Variants in MERTK observed in about 807,000 individuals in gnomAD.
MERTK encodes MER proto-oncogene, tyrosine kinase, also known as tyrosine-protein kinase Mer.
MERTK carries 69 observed loss-of-function variants against 99.3 expected under a neutral mutation model. That is an observed-to-expected ratio of 0.70 (90% confidence interval 0.57 to 0.85). The LOEUF is 0.85. Ranked by LOEUF, MERTK falls within the 40% of genes least tolerant of loss-of-function variation. The pLI, the probability that MERTK is intolerant of heterozygous loss-of-function variation, is 0.00. For synonymous variants in MERTK, 426 were observed against 467.6 expected (o/e 0.91, Z 1.15); for missense variants, 1,125 against 1,249.4 (o/e 0.90, Z 1.50).
chr2:111,930,937 TGTGGTTGTTAAAAGCACAAAATGAG>T (rs1684658949), intron 2 of MERTK, among the ~76,000 whole-genome samples: 1 of 152,212 alleles, frequency 6.6e-6, no homozygotes, highest in African/African-American at 2.4e-5. Context: ...TGGGTTGGCC[TGTGGTTGTTAAAAGCACAAAATGAG>T]GTCAGAGCCA....
chr2:112,022,328 A>G lies in MERTK; in HGVS notation c.2420A>G (p.His807Arg), dbSNP rs779607936. 4.3e-6 allele frequency: 7 copies of G among 1,614,226 alleles called. No individual in the cohort carries two copies. The highest frequency in any genetic ancestry group is 2.2e-5 in the South Asian group (2 of 91,078). Residue 807 changes from histidine (H) to arginine (R), a missense_variant, in exon 18 of 19, where the codon CAT becomes CGT. His to Arg is a conservative substitution (Grantham distance 29). Coordinates refer to ENST00000295408, the MANE Select transcript of MERTK (RefSeq NM_006343.3). ...ACTCCCTATCCTGGGGTCCAGAACC[A>G]TGAGATGTATGACTATCTTCTCCAT... ...GMTPYPGVQNHEMYDYLLHGH... is the reference protein window; with the variant it reads ...GMTPYPGVQNREMYDYLLHGH...
intron 9 of MERTK, among the ~76,000 whole-genome samples, chr2:111,994,916 A>G (rs1326202724): frequency 6.6e-6 from 1 of 152,206 alleles, no homozygotes; most frequent in African/African-American, 2.4e-5. Flanking sequence ...ATTAATGGTA[A>G]TAACTTACTT....
chr2:111,998,666 C>T (rs969504238), intron 10 of MERTK, among the ~76,000 whole-genome samples: 1 of 152,142 alleles, frequency 6.6e-6, no homozygotes, highest in Non-Finnish European at 1.5e-5. Context: ...GAAGAAAGAG[C>T]AGGTATTCAT....
chr2:112,024,221 A>G (rs1200059758), intron 18 of MERTK, among the ~76,000 whole-genome samples: 1 of 152,238 alleles, frequency 6.6e-6, no homozygotes, highest in East Asian at 1.9e-4. Flanking sequence ...AATGTTGACT[A>G]TGGAAAGAGT....
intron 1 of MERTK, among the ~76,000 whole-genome samples, chr2:111,915,720 A>C (rs760357595): frequency 1.2e-4 from 19 of 152,050 alleles, no homozygotes; most frequent in Non-Finnish European, 2.6e-4. Context: ...ACATGGTGAA[A>C]CCTCATCTCT....
intron 15 of MERTK, 71 bp from the exon 16 acceptor site, chr2:112,019,342 C>CT (rs752488760): frequency 3.5e-5 from 39 of 1,107,774 alleles, no homozygotes; most frequent in African/African-American, 6.2e-5. Flanking sequence ...CCTTTCCCCC[C>CT]CCGGCAGAAA....
At chr2:111,905,298 A>G (rs1032267981) in intron 1 of MERTK, among the ~76,000 whole-genome samples, 1 of 152,012 alleles carries the variant, frequency 6.6e-6, no homozygotes, top group Non-Finnish European at 1.5e-5. Context: ...AGGCACTAGG[A>G]TCTAGGGACA....
chr2:112,009,004 C>CA (rs1677042048), intron 14 of MERTK, among the ~76,000 whole-genome samples: 1 of 152,060 alleles, frequency 6.6e-6, no homozygotes. Flanking sequence ...CTCCATTAGC[C>CA]AAAAATTACA....
At chr2:111,929,983 G>C (rs1457934517) in intron 2 of MERTK, among the ~76,000 whole-genome samples, 1 of 152,114 alleles carries the variant, frequency 6.6e-6, no homozygotes, top group African/African-American at 2.4e-5. Context: ...CAAACCACTG[G>C]TCCCTTTAGA....
At chr2:111,923,811 A>G (rs1684507835) in intron 1 of MERTK, among the ~76,000 whole-genome samples, 1 of 152,154 alleles carries the variant, frequency 6.6e-6, no homozygotes, top group African/African-American at 2.4e-5. Flanking sequence ...TCTGTGGGGG[A>G]AAAACAGGGG....
At chr2:111,898,878 C>T (rs1683981562) in intron 1 of MERTK, 82 bp downstream of exon 1, 2 of 1,395,020 alleles carry the variant, frequency 1.4e-6, no homozygotes, top group African/African-American at 1.5e-5. Flanking sequence ...GGAGCGCGTC[C>T]ACAGGGGCGC....
At chr2:111,984,636 AG>A (rs1676436219) in intron 8 of MERTK, among the ~76,000 whole-genome samples, 1 of 152,156 alleles carries the variant, frequency 6.6e-6, no homozygotes, top group African/African-American at 2.4e-5. Flanking sequence ...TGTTGATAGC[AG>A]GGGAGCCAAT....
At chr2:112,000,552 G>C (rs1280694906) in intron 10 of MERTK, among the ~76,000 whole-genome samples, 1 of 152,140 alleles carries the variant, frequency 6.6e-6, no homozygotes, top group African/African-American at 2.4e-5. Flanking sequence ...TAATGAGCAG[G>C]GGTTATGGGT....
intron 8 of MERTK, among the ~76,000 whole-genome samples, 188 bp downstream of exon 8, chr2:111,983,181 G>A (rs1307276853): frequency 6.6e-6 from 1 of 152,134 alleles, no homozygotes; most frequent in Non-Finnish European, 1.5e-5. Context: ...AAATTCTAAG[G>A]TATCTTTTGG....
At chr2:112,019,385 C>T (rs1677286052) in intron 15 of MERTK, 28 bp from the exon 16 acceptor site, 5 of 1,553,488 alleles carry the variant, frequency 3.2e-6, no homozygotes, top group African/African-American at 2.7e-5. Context: ...AAAAGATAGT[C>T]TTTCTTCTTG....
chr2:112,015,624 G>A (rs1463878271), intron 15 of MERTK, among the ~76,000 whole-genome samples: 2 of 151,808 alleles, frequency 1.3e-5, no homozygotes, highest in Non-Finnish European at 2.9e-5. Flanking sequence ...TTCCAAGTTT[G>A]TAGCTTGTCA....
chr2:111,911,949 A>G (rs1432454199), intron 1 of MERTK, among the ~76,000 whole-genome samples: 5 of 151,856 alleles, frequency 3.3e-5, no homozygotes, highest in Admixed American at 1.3e-4. Context: ...TCGGCCTGCC[A>G]AAGTGTGGGG....
At chr2:111,910,712 T>G (rs1050098948) in intron 1 of MERTK, among the ~76,000 whole-genome samples, 1 of 152,000 alleles carries the variant, frequency 6.6e-6, no homozygotes, top group Non-Finnish European at 1.5e-5. Flanking sequence ...GGAAGACATT[T>G]GGTTAATTAA....
chr2:112,002,032 A>C (rs1676880736), intron 11 of MERTK, among the ~76,000 whole-genome samples: 1 of 151,906 alleles, frequency 6.6e-6, no homozygotes, highest in Non-Finnish European at 1.5e-5. Context: ...GAACCACTGG[A>C]TAAAGCTTTT....
Sources: gnomAD v4.1 joint callset for allele counts (sites outside exome capture counted in the v4.1 genomes callset) on GRCh38, gnomAD v4.1.1 for gene constraint, MANE v1.5 for transcripts, NCBI Gene and HGNC (gene_info 2026-07-23, HGNC 2026-07-21) for gene names.